Variants in RGS12 observed in about 807,000 individuals in gnomAD.
The protein encoded by RGS12 is regulator of G protein signaling 12.
A neutral mutation model predicts 120.1 loss-of-function variants in RGS12; 66 were observed. The ratio of observed to expected loss-of-function variants is 0.55; its 90% CI spans 0.45 to 0.67. The LOEUF (loss-of-function observed/expected upper bound fraction) is 0.67. Among genes scored for constraint, RGS12 ranks in the 30% least tolerant of loss-of-function variants. RGS12 has a pLI of 0.00. For missense variants in RGS12, 1,859 were observed against 1,957.7 expected (o/e 0.95, Z 0.95); for synonymous variants, 827 against 804.7 (o/e 1.03, Z -0.47).
Position 3,316,089 on chromosome 4 carries a change from A to G in RGS12, c.-82A>G, listed in dbSNP as rs1290361198. On this transcript the variant is annotated 5_prime_UTR_variant, in exon 2 of 18. Transcript: ENST00000336727. ...TCTTAGGGCACTGTTTGAAGAAGCAAACATGGTAGCATCAAGCATTCCTTG... is the reference window on the plus strand; with the variant it reads ...TCTTAGGGCACTGTTTGAAGAAGCAGACATGGTAGCATCAAGCATTCCTTG... The G allele has an allele frequency of 7.1e-7, 1 of 1,412,788 alleles. No individual in the cohort carries two copies. The highest frequency in any genetic ancestry group is 2.3e-5 in the East Asian group (1 of 43,126). 87.5% of individuals were successfully genotyped at this position (1,412,788 alleles called of 1,614,324 possible).
rs1724171628 is a variant in RGS12 at position 3,430,606 on chromosome 4, C to T, written c.3765C>T (p.Ser1255=). Residue 1255 remains serine, a synonymous_variant, in exon 17 of 18, where the codon TCC becomes TCT. Transcript: ENST00000336727. ...CAGGCAACGGCCGGGAGAGCGCCTC[C>T]CAGCCTGGCGAGCAGTGGGAGCCAG... ...SATGNGRESA[S]QPGEQWEPVQ... 6 of 1,611,622 alleles carry T rather than the reference C, an allele frequency of 3.7e-6. No individual in the cohort carries two copies. The highest frequency in any genetic ancestry group is 5.1e-6 in the Non-Finnish European group (6 of 1,179,410).
Position 3,414,955 on chromosome 4 carries a change from G to T in RGS12, c.2283+111G>T, listed in dbSNP as rs1225569362. 5 of 740,340 alleles carry T rather than the reference G, an allele frequency of 6.8e-6. No individual in the cohort carries two copies. The East Asian group carries it at 1.3e-4, about 19-fold the overall frequency. 45.9% of individuals were successfully genotyped at this position (740,340 alleles called of 1,614,324 possible). ...TGTGAGGGGCATGTGAGGGGTGTGT[G>T]TGAGGGGCGTGAGAGGGGCGTGTGA... is the stretch of plus-strand genomic sequence containing the variant. On this transcript the variant is annotated intron_variant, in intron 6 of 17. Transcript: ENST00000336727.
intron 3 of RGS12, among the ~76,000 whole-genome samples, chr4:3,369,396 T>C (rs1716735585): frequency 6.6e-6 from 1 of 152,216 alleles, no homozygotes; most frequent in Admixed American, 6.5e-5. Flanking sequence ...GCTGGCACAG[T>C]TCCTTCCCAG....
At chr4:3,383,769 C>T (rs761774450) in intron 3 of RGS12, among the ~76,000 whole-genome samples, 7 of 152,172 alleles carry the variant, frequency 4.6e-5, no homozygotes, top group African/African-American at 1.4e-4. Flanking sequence ...CCTACGTGCC[C>T]GCAGCCTGTG....
At chr4:3,338,961 C>G (rs1712775245) in intron 2 of RGS12, among the ~76,000 whole-genome samples, 1 of 152,188 alleles carries the variant, frequency 6.6e-6, no homozygotes, top group Admixed American at 6.5e-5. Context: ...AAACGCTGGT[C>G]TCTCCCTGCT....
In RGS12 at chr4:3,370,008, T is replaced by G. The variant is rs1262774263; in HGVS notation, c.1999-16408T>G. On this transcript the variant is annotated intron_variant, in intron 3 of 17. Transcript: ENST00000336727. ...TCGGCCGAAGTTTTATTCTTCTGAT[T>G]TGGTAGAGGAAATAGTTTAAAAATG... 7.2e-6 allele frequency: 9 copies of G among 1,242,108 alleles called. No individual in the cohort carries two copies. In the Admixed American group the frequency reaches 3.2e-4, roughly 44 times the overall value. 76.9% of individuals were successfully genotyped at this position (1,242,108 alleles called of 1,614,324 possible).
At position 3,424,420 on chromosome 4, in the gene RGS12, C is replaced by T. The variant is rs558865171; in HGVS notation, c.3234+779C>T. On this transcript the variant is annotated intron_variant, in intron 13 of 17. Transcript: ENST00000336727. ...CTCCGAGGGTAACCTGAAGCCTCTT[C>T]CCCGCGCTGCAGGCTCCATCCTGGA... 2.0e-5 allele frequency among the ~76,000 whole-genome samples: 3 copies of T among 152,378 alleles called. No homozygotes were observed. The South Asian group carries it at 6.2e-4, about 32-fold the overall frequency.
chr4:3,405,841 A>G (rs976579684), intron 4 of RGS12, among the ~76,000 whole-genome samples: 6 of 152,214 alleles, frequency 3.9e-5, no homozygotes, highest in Non-Finnish European at 5.9e-5. Flanking sequence ...GAATCTGGGC[A>G]AACGGATATG....
intron 3 of RGS12, among the ~76,000 whole-genome samples, chr4:3,364,831 G>A (rs1716130259): frequency 6.6e-6 from 1 of 152,140 alleles, no homozygotes; most frequent in African/African-American, 2.4e-5. Context: ...CTGACTTGGC[G>A]GTCGCTGCCT....
At chr4:3,436,347 C>T (rs1724805923) in intron 17 of RGS12, among the ~76,000 whole-genome samples, 1 of 152,194 alleles carries the variant, frequency 6.6e-6, no homozygotes, top group South Asian at 2.1e-4. Flanking sequence ...TGAGCCGGCT[C>T]AGCCTTGCCT....
chr4:3,431,098 T>C, intron 17 of RGS12, 143 bp downstream of exon 17: 1 of 1,442,306 alleles, frequency 6.9e-7, no homozygotes, highest in Non-Finnish European at 9.1e-7. Flanking sequence ...GTTGGGGGCT[T>C]CCTTGGCCCT....
At chr4:3,427,685 G>A (rs895364337) in intron 14 of RGS12, among the ~76,000 whole-genome samples, 3 of 152,080 alleles carry the variant, frequency 2.0e-5, no homozygotes, top group Admixed American at 6.5e-5. Context: ...GCAGTGAGCC[G>A]AGATCGTGCC....
At chr4:3,314,535 T>A (rs949920280) in intron 1 of RGS12, 2 of 152,338 alleles carry the variant, frequency 1.3e-5, no homozygotes, top group Middle Eastern at 3.4e-3. Context: ...CCCGAGTAGC[T>A]GGGACTACGG....
chr4:3,376,720 A>G (rs2108921147), intron 3 of RGS12, among the ~76,000 whole-genome samples: 1 of 152,344 alleles, frequency 6.6e-6, no homozygotes, highest in East Asian at 1.9e-4. Context: ...TTGGAGGGTC[A>G]TGGCTGGGTC....
upstream of RGS12, among the ~76,000 whole-genome samples, chr4:3,292,337 G>A (rs1560630630): frequency 6.6e-6 from 1 of 152,112 alleles, no homozygotes; most frequent in Non-Finnish European, 1.5e-5. Flanking sequence ...GCTGCTGCCC[G>A]CGCTCCGGGA....
In RGS12 at chr4:3,316,559, G is replaced by A. The variant is rs777900003; in HGVS notation, c.389G>A (p.Gly130Asp). The A allele has an allele frequency of 9.9e-6, 16 of 1,614,190 alleles. No homozygotes were observed. The South Asian group carries it at 1.8e-4, about 18-fold the overall frequency. ...LKPKLDSKAL[G>D]INRAERVVEE... The stretch of plus-strand genomic sequence containing the variant: ...CCCAAGCTGGATTCTAAAGCACTAG[G>A]TATAAACAGAGCAGAGCGAGTCGTG... Residue 130 changes from glycine (G) to aspartate (D), a missense_variant, in exon 2 of 18, where the codon GGT becomes GAT. This residue lies in a region of RGS12 where 967 missense variants were observed against 994.2 expected (regional missense o/e 0.97). Coordinates refer to ENST00000336727, the MANE Select transcript of RGS12 (RefSeq NM_001394154.1).
chr4:3,309,087 CAGGTGT>C (rs1724143747), intron 1 of RGS12, among the ~76,000 whole-genome samples: 1 of 122,722 alleles, frequency 8.1e-6, no homozygotes, highest in Admixed American at 8.1e-5. Context: ...TCGGGAATGG[CAGGTGT>C]CTGCTGAGGG....
In RGS12 at chr4:3,430,425, C is replaced by G; in HGVS notation, c.3584C>G (p.Ser1195Cys). Residue 1195 changes from serine (S) to cysteine (C), a missense_variant, in exon 17 of 18, where the codon TCC (serine) becomes TGC (cysteine). Physicochemically the swap from Ser to Cys is moderately radical, Grantham distance 112. Transcript: ENST00000336727. The part of the protein sequence containing the change: ...DEAEEFFELI[S>C]KAQSNRADDQ... ...CCAATAGAGTTTTTTGAGCTTATTT[C>G]CAAAGCTCAGAGCAACAGAGCAGAT... 1 of 1,610,128 alleles carries G rather than the reference C, an allele frequency of 6.2e-7. No homozygotes were observed. Among genetic ancestry groups the G allele is most frequent in the Non-Finnish European group, 8.5e-7 (1 of 1,177,872 alleles).
intron 2 of RGS12, among the ~76,000 whole-genome samples, chr4:3,338,335 C>T (rs554494647): frequency 5.9e-5 from 9 of 152,378 alleles, no homozygotes; most frequent in Admixed American, 2.6e-4. Context: ...GTTGGGATTA[C>T]AGGCGTGAGC....
Sources: allele counts gnomAD v4.1 joint callset (sites outside exome capture counted in the v4.1 genomes callset), GRCh38; gene constraint gnomAD v4.1.1; regional missense constraint gnomAD v4.1.1; transcripts MANE v1.5; gene names NCBI Gene and HGNC (gene_info 2026-07-23, HGNC 2026-07-21).